Variants in TMTC2 observed in about 807,000 individuals in gnomAD.
The protein encoded by TMTC2 is transmembrane O-mannosyltransferase targeting cadherins 2.
In TMTC2, 43 loss-of-function variants were observed where a neutral mutation model predicts 82.4. The observed-to-expected ratio is 0.52, with a 90% CI of 0.41 to 0.67. The LOEUF (loss-of-function observed/expected upper bound fraction) is 0.67, where lower values mean the gene tolerates loss of function less well. Ranked by LOEUF, TMTC2 falls within the 30% of genes least tolerant of loss-of-function variation. The pLI is 0.00. For missense variants in TMTC2, 919 were observed against 1,012.4 expected (o/e 0.91, Z 1.25); for synonymous variants, 408 against 381.9 (o/e 1.07, Z -0.80).
rs1308703805 is a variant in TMTC2 at position 83,107,262 on chromosome 12, C to T, written c.2332-24948C>T. On this transcript the variant is annotated intron_variant, in intron 11 of 11. Transcript: ENST00000321196. Reference sequence around the variant, plus strand: ...TCATACAGTAACATATGCCTTAGTCCATTTTCTGTTGTTATTACAGGATAC... The same window carrying T: ...TCATACAGTAACATATGCCTTAGTCTATTTTCTGTTGTTATTACAGGATAC... Among the ~76,000 whole-genome samples, 3 of 152,158 alleles carry T rather than the reference C, an allele frequency of 2.0e-5. No individual in the cohort carries two copies. The East Asian group carries it at 5.8e-4, about 29-fold the overall frequency.
intron 1 of TMTC2, among the ~76,000 whole-genome samples, chr12:82,706,962 A>G (rs908208531): frequency 6.6e-6 from 1 of 152,168 alleles, no homozygotes; most frequent in Non-Finnish European, 1.5e-5. Flanking sequence ...TGTATTTGCT[A>G]CTTTCAATTG....
chr12:82,925,283 C>T (rs952301535), intron 3 of TMTC2, among the ~76,000 whole-genome samples: 3 of 152,172 alleles, frequency 2.0e-5, no homozygotes, highest in Non-Finnish European at 4.4e-5. Context: ...CCAGCATAAG[C>T]TCACATGGGT....
intron 11 of TMTC2, among the ~76,000 whole-genome samples, chr12:83,062,341 A>C (rs1050123577): frequency 2.0e-5 from 3 of 151,876 alleles, no homozygotes; most frequent in East Asian, 1.9e-4. Context: ...TGCTTCTATA[A>C]AGTAAGATGG....
At chr12:82,918,725 T>TCTCTCTCTCTTTCTCTCC (rs1234118416) in intron 3 of TMTC2, among the ~76,000 whole-genome samples, 8 of 151,726 alleles carry the variant, frequency 5.3e-5, no homozygotes, top group Non-Finnish European at 1.5e-5. Context: ...TCTCTCTCTC[T>TCTCTCTCTCTTTCTCTCC]CTCTCTCTCT....
chr12:82,976,947 A>G (rs1242554266), intron 7 of TMTC2, among the ~76,000 whole-genome samples: 1 of 152,072 alleles, frequency 6.6e-6, no homozygotes, highest in East Asian at 1.9e-4. Context: ...TTTGTCAGCT[A>G]TTTATCGAGT....
At chr12:82,692,182 G>C (rs1387516327) in intron 1 of TMTC2, among the ~76,000 whole-genome samples, 1 of 152,080 alleles carries the variant, frequency 6.6e-6, no homozygotes, top group East Asian at 1.9e-4. Context: ...AGGGAAAATT[G>C]CCATCTGTCT....
chr12:82,901,414 C>A (rs376806106), intron 3 of TMTC2, among the ~76,000 whole-genome samples: 3 of 150,348 alleles, frequency 2.0e-5, no homozygotes, highest in African/African-American at 7.4e-5. Flanking sequence ...AAGCAATTCA[C>A]CGGCCACAGC....
intron 9 of TMTC2, among the ~76,000 whole-genome samples, chr12:83,047,107 G>A (rs1053335074): frequency 6.6e-6 from 1 of 152,194 alleles, no homozygotes; most frequent in Non-Finnish European, 1.5e-5. Flanking sequence ...AGAGATCTTA[G>A]TGGCTGCAAG....
intron 11 of TMTC2, among the ~76,000 whole-genome samples, chr12:83,100,702 C>T (rs1473033239): frequency 6.6e-6 from 1 of 151,888 alleles, no homozygotes; most frequent in African/African-American, 2.4e-5. Context: ...TGGGAGAAGT[C>T]TTGTTGTAAT....
Position 82,944,360 on chromosome 12 carries a change from G to A in TMTC2, c.1598+13815G>A, listed in dbSNP as rs528742986. Among the ~76,000 whole-genome samples, 561 of 152,054 alleles carry A rather than the reference G, an allele frequency of 3.7e-3. 7 individuals are homozygous for A. The highest frequency in any genetic ancestry group is 0.013 in the African/African-American group (532 of 41,492). On this transcript the variant is annotated intron_variant, in intron 4 of 11. Coordinates refer to ENST00000321196, the MANE Select transcript of TMTC2 (RefSeq NM_152588.3). Reference sequence around the variant, plus strand: ...AGCACTTTGGGAGGCCAAGGTGGGCGGACCACGAGGTCAGGAGATCGAGAA... The same window carrying A: ...AGCACTTTGGGAGGCCAAGGTGGGCAGACCACGAGGTCAGGAGATCGAGAA...
intron 2 of TMTC2, among the ~76,000 whole-genome samples, chr12:82,873,765 A>G (rs1373314010): frequency 3.3e-5 from 5 of 152,188 alleles, no homozygotes; most frequent in Admixed American, 3.3e-4. Context: ...GTTTTATCGA[A>G]TTATAAAGGT....
At chr12:82,944,888 T>TA (rs1275835062) in intron 4 of TMTC2, among the ~76,000 whole-genome samples, 1 of 152,220 alleles carries the variant, frequency 6.6e-6, no homozygotes, top group Non-Finnish European at 1.5e-5. Context: ...AGAGTGAATT[T>TA]ATCTTATGAA....
chr12:82,905,039 G>A (rs1210905365), intron 3 of TMTC2, among the ~76,000 whole-genome samples: 1 of 140,538 alleles, frequency 7.1e-6, no homozygotes, highest in Non-Finnish European at 1.5e-5. Flanking sequence ...ACAGTATCTA[G>A]AACATTTCTT....
chr12:82,869,850 TAAATAAAAAATAA>T (rs1872079688), intron 2 of TMTC2, among the ~76,000 whole-genome samples: 1 of 148,336 alleles, frequency 6.7e-6, no homozygotes, highest in Non-Finnish European at 1.5e-5. Flanking sequence ...AAAAAAAAAA[TAAATAAAAAATAA>T]AAATAAAAAA....
At chr12:83,098,582 A>G (rs1407252535) in intron 11 of TMTC2, among the ~76,000 whole-genome samples, 1 of 152,244 alleles carries the variant, frequency 6.6e-6, no homozygotes, top group Non-Finnish European at 1.5e-5. Flanking sequence ...ACCCTTTGAC[A>G]TAGCATTGCT....
chr12:82,735,960 G>A (rs890497188), intron 1 of TMTC2, among the ~76,000 whole-genome samples: 2 of 136,634 alleles, frequency 1.5e-5, no homozygotes, highest in Non-Finnish European at 3.1e-5. Flanking sequence ...GTGACAGTGC[G>A]AGACTCCGTC....
chr12:82,825,638 A>G (rs889931016), intron 1 of TMTC2, among the ~76,000 whole-genome samples: 1 of 152,234 alleles, frequency 6.6e-6, no homozygotes, highest in Non-Finnish European at 1.5e-5. Flanking sequence ...ATCATAATGT[A>G]AAATAAAAAA....
chr12:82,827,360 G>T (rs982866384), intron 1 of TMTC2, among the ~76,000 whole-genome samples: 7 of 152,170 alleles, frequency 4.6e-5, no homozygotes, highest in Non-Finnish European at 1.0e-4. Context: ...AATTGGACTT[G>T]AAGAAGTTAA....
intron 1 of TMTC2, among the ~76,000 whole-genome samples, chr12:82,747,221 C>G (rs1762740695): frequency 6.6e-6 from 1 of 152,114 alleles, no homozygotes; most frequent in Admixed American, 6.5e-5. Context: ...ATGAGAGGTG[C>G]TAATTAATTT....
Sources: allele counts gnomAD v4.1 joint callset (sites outside exome capture counted in the v4.1 genomes callset), GRCh38; gene constraint gnomAD v4.1.1; transcripts MANE v1.5; gene names NCBI Gene and HGNC (gene_info 2026-07-23, HGNC 2026-07-21).